MKLN1: variants seen among roughly 807,000 people sequenced by gnomAD.
MKLN1 encodes muskelin.
In MKLN1, 18 loss-of-function variants were observed where a neutral mutation model predicts 99.0. The ratio of observed to expected loss-of-function variants is 0.18; its 90% CI spans 0.13 to 0.27. MKLN1 has a LOEUF of 0.27. MKLN1 is among the 10% of genes least tolerant of loss of function. The probability of loss-of-function intolerance (pLI) is 1.00; values close to 1 mark genes in which losing one functional copy is unlikely to be tolerated. For synonymous variants in MKLN1, 288 were observed against 293.2 expected (o/e 0.98, Z 0.18); for missense variants, 621 against 875.9 (o/e 0.71, Z 3.67).
intron 2 of MKLN1, among the ~76,000 whole-genome samples, chr7:131,183,080 C>T (rs1000000274): frequency 6.6e-6 from 1 of 152,116 alleles, no homozygotes; most frequent in African/African-American, 2.4e-5. Context: ...AAAGTGAAAT[C>T]CTGCAAAATA....
At chr7:131,192,088 A>AT (rs1213383362) in intron 2 of MKLN1, among the ~76,000 whole-genome samples, 2 of 80,722 alleles carry the variant, frequency 2.5e-5, no homozygotes, top group African/African-American at 9.7e-5. Context: ...CATATATATT[A>AT]TATATATATG....
chr7:131,332,410 G>A (rs933752144), intron 1 of MKLN1, among the ~76,000 whole-genome samples: 12 of 147,048 alleles, frequency 8.2e-5, no homozygotes, highest in Non-Finnish European at 1.3e-4. Context: ...ACAGCATCTC[G>A]TCAATACCCC....
Position 131,284,257 on chromosome 7 carries a change from A to G in MKLN1, c.-179+81283A>G, listed in dbSNP as rs548452667. On this transcript the variant is annotated intron_variant, in intron 3 of 7. Transcript: ENST00000416992. The stretch of plus-strand genomic sequence containing the variant: ...GTTATATATCTCATCAATGATATAC[A>G]AGAATTTGTCTTGTCCCACATTCTA... Among the ~76,000 whole-genome samples, 4 of 152,350 alleles carry G rather than the reference A, an allele frequency of 2.6e-5. No homozygotes were observed. The South Asian group carries it at 8.3e-4, about 32-fold the overall frequency.
At chr7:131,402,976 G>C (rs960418611) in intron 6 of MKLN1, among the ~76,000 whole-genome samples, 1 of 152,098 alleles carries the variant, frequency 6.6e-6, no homozygotes, top group African/African-American at 2.4e-5. Context: ...GTCACTAGCT[G>C]CATTAAACCC....
chr7:131,212,986 GT>G (rs1376712465), intron 3 of MKLN1, among the ~76,000 whole-genome samples: 3 of 151,274 alleles, frequency 2.0e-5, no homozygotes, highest in Non-Finnish European at 4.4e-5. Flanking sequence ...TTGATTTAGG[GT>G]TTGTTTGTGA....
rs772732556 is a variant in MKLN1 at position 131,142,476 on chromosome 7, C to T, written c.-418-344C>T. 2.0e-5 allele frequency among the ~76,000 whole-genome samples: 3 copies of T among 151,760 alleles called. No individual in the cohort carries two copies. The East Asian group carries it at 5.8e-4, about 29-fold the overall frequency. On this transcript the variant is annotated intron_variant, in intron 1 of 7. Coordinates refer to the MKLN1 transcript ENST00000416992. The stretch of plus-strand genomic sequence containing the variant: ...TTAGGCCGGTCGCGGTGGCTCATGC[C>T]TGTAATCCCAGCACTTTGGGAGGCC...
intron 2 of MKLN1, among the ~76,000 whole-genome samples, chr7:131,161,701 G>A (rs796928512): frequency 4.6e-5 from 7 of 151,794 alleles, no homozygotes; most frequent in South Asian, 2.1e-4. Flanking sequence ...ACAGGCGCCC[G>A]CCACCACGCC....
At chr7:131,412,239 G>A (rs1794902987) in intron 7 of MKLN1, among the ~76,000 whole-genome samples, 1 of 152,170 alleles carries the variant, frequency 6.6e-6, no homozygotes, top group Admixed American at 6.5e-5. Flanking sequence ...AGGTTGGGCA[G>A]CTTTTACACA....
chr7:131,378,500 T>C (rs913275754), intron 2 of MKLN1, among the ~76,000 whole-genome samples: 2 of 152,182 alleles, frequency 1.3e-5, no homozygotes, highest in Non-Finnish European at 2.9e-5. Context: ...TTCCCACTCT[T>C]GATCTGAAAG....
At chr7:131,232,946 C>T (rs1440619844) in intron 3 of MKLN1, among the ~76,000 whole-genome samples, 2 of 152,240 alleles carry the variant, frequency 1.3e-5, no homozygotes, top group East Asian at 3.9e-4. Flanking sequence ...ACTTTATGTG[C>T]TTAAAGCGGG....
rs1584792178 is a variant in MKLN1, at chr7:131,487,070, C to G, written c.2087-537C>G. ...TCCCTCAGTCGTCTCTGTTACCACT[C>G]AGTTCCCTGAGACTACTTCCAGCTG... On this transcript the variant is annotated intron_variant, in intron 17 of 17. Transcript: ENST00000352689. The surrounding 1 kb of genome is among the most constrained non-coding windows in gnomAD (Gnocchi z 4.7). Among the ~76,000 whole-genome samples the G allele has an allele frequency of 6.6e-6, 1 of 152,140 alleles. No individual in the cohort carries two copies. Among genetic ancestry groups the G allele is most frequent in the Non-Finnish European group, 1.5e-5 (1 of 68,010 alleles).
At chr7:131,139,327 C>G (rs1241463959) in intron 1 of MKLN1, among the ~76,000 whole-genome samples, 1 of 151,998 alleles carries the variant, frequency 6.6e-6, no homozygotes, top group East Asian at 1.9e-4. Flanking sequence ...TTGGCCCCTG[C>G]TCTTGGACTC....
chr7:131,156,522 T>C (rs1029294011), intron 2 of MKLN1, among the ~76,000 whole-genome samples: 1 of 150,042 alleles, frequency 6.7e-6, no homozygotes, highest in Non-Finnish European at 1.5e-5. Context: ...GGAATCTTCA[T>C]CTTTTCCTGG....
chr7:131,399,112 A>G (rs1410920165), intron 5 of MKLN1, 129 bp from the exon 6 acceptor site: 4 of 750,466 alleles, frequency 5.3e-6, no homozygotes, highest in Non-Finnish European at 8.8e-6. Flanking sequence ...GAATCAGGTT[A>G]GTAAACTGCT....
At chr7:131,113,273 C>A (rs1217367116) in intron 1 of MKLN1, among the ~76,000 whole-genome samples, 5 of 152,022 alleles carry the variant, frequency 3.3e-5, no homozygotes, top group African/African-American at 9.7e-5. Flanking sequence ...ATATTCCAAG[C>A]AAAGAAAGTA....
chr7:131,263,011 C>T (rs989288113), intron 3 of MKLN1, among the ~76,000 whole-genome samples: 3 of 152,026 alleles, frequency 2.0e-5, no homozygotes, highest in African/African-American at 7.3e-5. Context: ...TAAACTTGTA[C>T]TTCTGTTCTC....
At chr7:131,459,556 C>T (rs879405707) in intron 12 of MKLN1, among the ~76,000 whole-genome samples, 6 of 152,164 alleles carry the variant, frequency 3.9e-5, no homozygotes, top group Admixed American at 2.0e-4. Flanking sequence ...AAGTACTTAG[C>T]ATGCCAGAGT....
At chr7:131,325,899 G>GT (rs927336897), upstream of MKLN1, among the ~76,000 whole-genome samples, 26 of 135,484 alleles carry the variant, frequency 1.9e-4, no homozygotes, top group South Asian at 1.6e-3. Flanking sequence ...AAGGAGAAAA[G>GT]TGGGGGGGGG....
chr7:131,466,935 G>GCA (rs1491027670), intron 15 of MKLN1, among the ~76,000 whole-genome samples: 3 of 149,894 alleles, frequency 2.0e-5, no homozygotes, highest in African/African-American at 4.9e-5. Context: ...GCGCGCGCGC[G>GCA]CACACACGCA....
Sources: gnomAD v4.1 joint callset for allele counts (sites outside exome capture counted in the v4.1 genomes callset) on GRCh38, gnomAD v4.1.1 for gene constraint, Gnocchi (gnomAD v3.1) non-coding constraint, MANE v1.5 for transcripts, NCBI Gene and HGNC (gene_info 2026-07-23, HGNC 2026-07-21) for gene names.